The following LDLRAD3 variants were observed in gnomAD, a reference collection of about 807,000 sequenced individuals.
LDLRAD3 encodes the protein low-density lipoprotein receptor class A domain-containing protein 3.
In LDLRAD3, 20 loss-of-function variants were observed where a neutral mutation model predicts 29.4. The ratio of observed to expected loss-of-function variants is 0.68; its 90% CI spans 0.48 to 0.99. The LOEUF (loss-of-function observed/expected upper bound fraction) is 0.99. Ranked by LOEUF, LDLRAD3 falls within the 50% of genes least tolerant of loss-of-function variation. The pLI, the probability that LDLRAD3 is intolerant of heterozygous loss-of-function variation, is 0.00. For missense variants in LDLRAD3, 420 were observed against 454.3 expected (o/e 0.92, Z 0.69); for synonymous variants, 157 against 192.7 (o/e 0.81, Z 1.53).
At chr11:36,140,294 A>G (rs1032755508) in intron 4 of LDLRAD3, among the ~76,000 whole-genome samples, 3 of 152,194 alleles carry the variant, frequency 2.0e-5, no homozygotes, top group Non-Finnish European at 2.9e-5. Context: ...CTCACACCAG[A>G]GAATACCTTG....
At chr11:36,131,762 A>G (rs1297209726) in intron 4 of LDLRAD3, among the ~76,000 whole-genome samples, 1 of 152,160 alleles carries the variant, frequency 6.6e-6, no homozygotes, top group Admixed American at 6.5e-5. Context: ...CTTGACTCCT[A>G]TTTATAGTTT....
At chr11:36,070,313 G>A (rs1156345597) in intron 2 of LDLRAD3, among the ~76,000 whole-genome samples, 1 of 152,184 alleles carries the variant, frequency 6.6e-6, no homozygotes, top group East Asian at 1.9e-4. Context: ...GCTCTAAAAA[G>A]GGCCTTTTTG....
intron 2 of LDLRAD3, among the ~76,000 whole-genome samples, chr11:36,075,681 C>A (rs1590246114): frequency 6.6e-6 from 1 of 152,176 alleles, no homozygotes; most frequent in Admixed American, 6.5e-5. Context: ...GTTTCCTGCA[C>A]CTCTTCTACA....
At chr11:36,079,735 A>G (rs1853081624) in intron 2 of LDLRAD3, among the ~76,000 whole-genome samples, 4 of 152,218 alleles carry the variant, frequency 2.6e-5, no homozygotes, top group Non-Finnish European at 5.9e-5. Flanking sequence ...CTAGGGGCCT[A>G]CTTGTGGAAC....
intron 4 of LDLRAD3, among the ~76,000 whole-genome samples, chr11:36,176,743 G>A (rs1034094372): frequency 2.0e-5 from 3 of 152,150 alleles, no homozygotes; most frequent in African/African-American, 7.2e-5. Flanking sequence ...CAGCTGTTAA[G>A]ATTATTTCCT....
intron 1 of LDLRAD3, among the ~76,000 whole-genome samples, chr11:35,960,678 C>A (rs916522488): frequency 5.3e-5 from 8 of 152,114 alleles, no homozygotes; most frequent in Non-Finnish European, 7.3e-5. Context: ...CTCACTGCAA[C>A]CCCCCGCCTG....
intron 1 of LDLRAD3, among the ~76,000 whole-genome samples, chr11:35,987,747 G>A (rs7936087): frequency 0.18 from 26,791 of 152,072 alleles, 5,864 homozygotes; most frequent in African/African-American, 0.52. Flanking sequence ...TCTTTTTGGT[G>A]GAATGATCTA....
intron 4 of LDLRAD3, among the ~76,000 whole-genome samples, chr11:36,181,996 G>C (rs559821492): frequency 6.6e-6 from 1 of 152,202 alleles, no homozygotes; most frequent in African/African-American, 2.4e-5. Flanking sequence ...GAAATAAAAA[G>C]TCAGACTGAG....
At chr11:36,135,139 G>A (rs1198656729) in intron 4 of LDLRAD3, among the ~76,000 whole-genome samples, 1 of 152,206 alleles carries the variant, frequency 6.6e-6, no homozygotes, top group Non-Finnish European at 1.5e-5. Flanking sequence ...TCAGCCTGGA[G>A]ATGCAGCCTC....
intron 4 of LDLRAD3, chr11:36,197,597 C>T (rs576113799): frequency 5.9e-5 from 9 of 152,492 alleles, no homozygotes; most frequent in Non-Finnish European, 1.2e-4. Context: ...CATTTCTGCT[C>T]CTGCTGCTCT....
chr11:36,183,986 G>C, intron 4 of LDLRAD3: 2 of 255,280 alleles, frequency 7.8e-6, no homozygotes, highest in Non-Finnish European at 7.2e-6. Context: ...TTTTTCCCGA[G>C]ATGGAGTTTC....
In LDLRAD3 at chr11:36,229,322, G is replaced by A. The variant is rs147876115; in HGVS notation, c.963G>A (p.Pro321=). The A allele has an allele frequency of 1.3e-4, 207 of 1,614,088 alleles. 2 individuals are homozygous for A. In the East Asian group the frequency reaches 4.4e-3, roughly 34 times the overall value. The part of the protein sequence containing the change: ...LLSVEDTSHS[P]GQPGPQEGTA... ...GCGTGGAAGACACCAGCCACAGCCC[G>A]GGGCAGCCTGGCCCCCAGGAGGGCA... Residue 321 remains proline (P), a synonymous_variant, in exon 6 of 6, where the codon CCG becomes CCA. Transcript: ENST00000315571.
At position 36,213,919 on chromosome 11, in the gene LDLRAD3, A is replaced by G. The variant is rs1565309285; in HGVS notation, c.455-13166A>G. Among the ~76,000 whole-genome samples, 1 of 152,154 alleles carries G rather than the reference A, an allele frequency of 6.6e-6. No homozygotes were observed. Among genetic ancestry groups the G allele is most frequent in the Admixed American group, 6.5e-5 (1 of 15,270 alleles). On this transcript the variant is annotated intron_variant, in intron 4 of 5. Coordinates refer to ENST00000315571, the MANE Select transcript of LDLRAD3 (RefSeq NM_174902.4). This position sits in a 1 kb window ranked among gnomAD's most constrained non-coding sequence, Gnocchi z 4.1. ...GAAGGGTCAGACTCTTCGTCCAGGTAAAAGGAAACTACAGAAGCAAGCTCA... is the reference window on the plus strand; with the variant it reads ...GAAGGGTCAGACTCTTCGTCCAGGTGAAAGGAAACTACAGAAGCAAGCTCA...
rs564918965 is a variant in LDLRAD3 at position 36,060,271 on chromosome 11, G to A, written c.194-21382G>A. Among the ~76,000 whole-genome samples the A allele has an allele frequency of 6.6e-5, 10 of 151,130 alleles. No individual in the cohort carries two copies. In the Middle Eastern group the frequency reaches 0.01, roughly 155 times the overall value. On this transcript the variant is annotated intron_variant, in intron 2 of 5. Coordinates refer to ENST00000315571, the MANE Select transcript of LDLRAD3 (RefSeq NM_174902.4). ...CGGGAGGCTGAGACAGGAGAATGGC[G>A]TGAACCCGGGAGGCGGAGCTTGCAG...
intron 4 of LDLRAD3, among the ~76,000 whole-genome samples, chr11:36,123,526 G>A (rs10501145): frequency 0.49 from 74,987 of 152,186 alleles, 18,745 homozygotes; most frequent in East Asian, 0.69. Flanking sequence ...TTGACCCCAA[G>A]GTAAGTCACA....
At chr11:36,160,776 C>T (rs754210733) in intron 4 of LDLRAD3, among the ~76,000 whole-genome samples, 11 of 152,220 alleles carry the variant, frequency 7.2e-5, no homozygotes, top group African/African-American at 1.4e-4. Context: ...AGTGAGAACT[C>T]GAAATGGAAA....
intron 2 of LDLRAD3, among the ~76,000 whole-genome samples, chr11:36,053,454 T>C (rs1007029088): frequency 6.6e-6 from 1 of 152,178 alleles, no homozygotes; most frequent in African/African-American, 2.4e-5. Context: ...ATAGAAATGC[T>C]CAGGCTTTTG....
At chr11:36,104,795 C>T (rs768053293) in intron 4 of LDLRAD3, among the ~76,000 whole-genome samples, 10 of 152,100 alleles carry the variant, frequency 6.6e-5, no homozygotes, top group African/African-American at 1.7e-4. Flanking sequence ...ATCACACTGA[C>T]GGACAGACTC....
intron 4 of LDLRAD3, among the ~76,000 whole-genome samples, chr11:36,131,458 C>CT (rs147872090): frequency 0.019 from 2,924 of 152,290 alleles, 83 homozygotes; most frequent in African/African-American, 0.067. Context: ...AAAATAACTA[C>CT]TTTTTTGTTG....
Sources: allele counts gnomAD v4.1 joint callset (sites outside exome capture counted in the v4.1 genomes callset), GRCh38; gene constraint gnomAD v4.1.1; non-coding constraint Gnocchi (gnomAD v3.1); transcripts MANE v1.5; gene names NCBI Gene and HGNC (gene_info 2026-07-23, HGNC 2026-07-21).